SPINT2: variants seen among roughly 807,000 people sequenced by gnomAD.
SPINT2 encodes the protein serine peptidase inhibitor, Kunitz type 2.
SPINT2 carries 18 observed loss-of-function variants against 30.1 expected under a neutral mutation model. The ratio of observed to expected loss-of-function variants is 0.60; its 90% CI spans 0.41 to 0.89. SPINT2 has a LOEUF of 0.89. Ranked by LOEUF, SPINT2 falls within the 40% of genes least tolerant of loss-of-function variation. The probability of loss-of-function intolerance (pLI) is 0.00; values close to 1 mark genes in which losing one functional copy is unlikely to be tolerated. For missense variants in SPINT2, 276 were observed against 334.3 expected (o/e 0.83, Z 1.36); for synonymous variants, 139 against 137.9 (o/e 1.01, Z -0.05).
At chr19:38,289,710 G>C (rs1968691517) in intron 4 of SPINT2, 1 of 296,474 alleles carries the variant, frequency 3.4e-6, no homozygotes. Flanking sequence ...CGCCTGTGGA[G>C]ATGTGCGTTA....
At chr19:38,281,257 G>A (rs1968578384) in intron 1 of SPINT2, among the ~76,000 whole-genome samples, 2 of 152,002 alleles carry the variant, frequency 1.3e-5, no homozygotes, top group Non-Finnish European at 2.9e-5. Flanking sequence ...GACAAAAGGT[G>A]CCCCTATTTA....
intron 1 of SPINT2, chr19:38,265,248 A>T: frequency 2.5e-6 from 1 of 399,146 alleles, no homozygotes; most frequent in Non-Finnish European, 4.6e-6. Context: ...GTCAAGGGGT[A>T]TTGACCAAGA....
At chr19:38,265,988 G>A (rs758545789) in intron 1 of SPINT2, among the ~76,000 whole-genome samples, 3 of 152,210 alleles carry the variant, frequency 2.0e-5, no homozygotes, top group Non-Finnish European at 4.4e-5. Flanking sequence ...ACAGGGTGAC[G>A]TAAGATGTTG....
chr19:38,269,860 C>T (rs539326319), intron 1 of SPINT2, among the ~76,000 whole-genome samples: 26 of 152,208 alleles, frequency 1.7e-4, no homozygotes, highest in Non-Finnish European at 2.8e-4. Context: ...CTGCCCGCCT[C>T]GGCCTCCCAA....
intron 1 of SPINT2, among the ~76,000 whole-genome samples, chr19:38,271,721 A>C (rs993338330): frequency 8.6e-5 from 13 of 152,046 alleles, no homozygotes; most frequent in Non-Finnish European, 1.5e-4. Flanking sequence ...CTGGAGGCTG[A>C]GGCAGGAGAA....
intron 1 of SPINT2, among the ~76,000 whole-genome samples, chr19:38,271,287 C>T (rs745400990): frequency 2.0e-5 from 3 of 151,258 alleles, no homozygotes; most frequent in South Asian, 4.2e-4. Context: ...ATCAGGAGAT[C>T]GAGACCATCC....
chr19:38,278,419 C>A (rs527408885), intron 1 of SPINT2, among the ~76,000 whole-genome samples: 2 of 152,340 alleles, frequency 1.3e-5, no homozygotes, highest in African/African-American at 4.8e-5. Context: ...CAAGTCTCAG[C>A]ATTCTCGTTT....
chr19:38,270,665 C>A (rs1340627443), intron 1 of SPINT2, among the ~76,000 whole-genome samples: 1 of 152,198 alleles, frequency 6.6e-6, no homozygotes, highest in African/African-American at 2.4e-5. Flanking sequence ...GGAAACATTG[C>A]TTTGCCCAGT....
At chr19:38,269,712 A>G (rs989549157) in intron 1 of SPINT2, among the ~76,000 whole-genome samples, 2 of 147,692 alleles carry the variant, frequency 1.4e-5, no homozygotes, top group East Asian at 2.0e-4. Flanking sequence ...CTGGGTTCAC[A>G]CCATTCTCCT....
Position 38,264,778 on chromosome 19 carries a change from T to G in SPINT2, c.-115T>G. 1 of 1,145,322 alleles carries G rather than the reference T, an allele frequency of 8.7e-7. No individual in the cohort carries two copies. The highest frequency in any genetic ancestry group is 1.2e-6 in the Non-Finnish European group (1 of 806,636). 70.9% of individuals were successfully genotyped at this position (1,145,322 alleles called of 1,614,324 possible). A position where few individuals can be genotyped will look rare whatever the true frequency, so the allele number is the denominator to read the frequency against. The stretch of plus-strand genomic sequence containing the variant: ...GCACCTGGCGGACCCTCCCGGAGCG[T>G]CGGCACCTGAACGCGAGGCGCTCCA... On this transcript the variant is annotated 5_prime_UTR_variant, in exon 1 of 7. Coordinates refer to ENST00000301244, the MANE Select transcript of SPINT2 (RefSeq NM_021102.4).
chr19:38,273,684 C>G (rs1968482502), intron 1 of SPINT2, among the ~76,000 whole-genome samples: 1 of 152,172 alleles, frequency 6.6e-6, no homozygotes, highest in South Asian at 2.1e-4. Context: ...ATCTTGTAGC[C>G]ATGCAGGACT....
At chr19:38,278,647 T>A (rs1178447083) in intron 1 of SPINT2, among the ~76,000 whole-genome samples, 1 of 151,838 alleles carries the variant, frequency 6.6e-6, no homozygotes, top group Non-Finnish European at 1.5e-5. Context: ...TTACAAAAAA[T>A]TAAAGTTAGC....
chr19:38,276,471 G>C (rs1437041549), intron 1 of SPINT2, among the ~76,000 whole-genome samples: 1 of 151,966 alleles, frequency 6.6e-6, no homozygotes, highest in African/African-American at 2.4e-5. Flanking sequence ...GTGAAACCCT[G>C]TCTCTACTAA....
intron 3 of SPINT2, among the ~76,000 whole-genome samples, chr19:38,288,195 A>G (rs1347316558): frequency 1.3e-5 from 2 of 152,114 alleles, no homozygotes; most frequent in African/African-American, 4.8e-5. Context: ...GGAGGATGGG[A>G]TGGAGGTGGC....
chr19:38,287,148 C>T (rs527451391), intron 2 of SPINT2, among the ~76,000 whole-genome samples: 4 of 152,130 alleles, frequency 2.6e-5, no homozygotes, highest in African/African-American at 7.2e-5. Flanking sequence ...CTCAGCCACC[C>T]GAGTAGCTGG....
chr19:38,266,650 T>C (rs1376376973), intron 1 of SPINT2, among the ~76,000 whole-genome samples: 1 of 149,262 alleles, frequency 6.7e-6, no homozygotes. Context: ...CACAGCAGCC[T>C]GGGCGACACA....
At chr19:38,283,356 T>C (rs1050298295) in intron 1 of SPINT2, among the ~76,000 whole-genome samples, 4 of 152,188 alleles carry the variant, frequency 2.6e-5, no homozygotes, top group African/African-American at 7.2e-5. Flanking sequence ...TGGATGTGCA[T>C]GTCTTCAATA....
At chr19:38,279,046 G>A (rs1968550472) in intron 1 of SPINT2, among the ~76,000 whole-genome samples, 1 of 152,002 alleles carries the variant, frequency 6.6e-6, no homozygotes, top group Non-Finnish European at 1.5e-5. Context: ...GAGACGATTT[G>A]TCTTCAACGA....
At chr19:38,275,167 G>A (rs112046804) in intron 1 of SPINT2, among the ~76,000 whole-genome samples, 6 of 152,266 alleles carry the variant, frequency 3.9e-5, no homozygotes, top group African/African-American at 9.6e-5. Flanking sequence ...CCACAAGCAC[G>A]GTTCAAACTC....
Sources: gnomAD v4.1 joint callset for allele counts (sites outside exome capture counted in the v4.1 genomes callset) on GRCh38, gnomAD v4.1.1 for gene constraint, MANE v1.5 for transcripts, NCBI Gene and HGNC (gene_info 2026-07-23, HGNC 2026-07-21) for gene names.